ADARB1: variants seen among roughly 807,000 people sequenced by gnomAD.
ADARB1 encodes adenosine deaminase RNA specific B1.
ADARB1 carries 10 observed loss-of-function variants against 52.4 expected under a neutral mutation model. The observed-to-expected ratio is 0.19, with a 90% CI of 0.12 to 0.32. The LOEUF (loss-of-function observed/expected upper bound fraction) is 0.32, where lower values mean the gene tolerates loss of function less well. ADARB1 is among the 10% of genes least tolerant of loss of function. The pLI is 1.00. For synonymous variants in ADARB1, 349 were observed against 371.1 expected (o/e 0.94, Z 0.68); for missense variants, 643 against 922.3 (o/e 0.70, Z 3.92).
rs775926647 is a variant in ADARB1 at position 45,204,734 on chromosome 21, G to C, written c.1745G>C (p.Ser582Thr). 7 of 1,613,652 alleles carry C rather than the reference G, an allele frequency of 4.3e-6. No individual in the cohort carries two copies. Among genetic ancestry groups the C allele is most frequent in the Non-Finnish European group, 5.9e-6 (7 of 1,179,828 alleles). ...TACACCCTCAACAAGCCTTTGCTCA[G>C]TGGCAAGTATCTCTAGAGTGTGCTG... ...PLYTLNKPLL[S>T]GISNAEARQP... is the part of the protein sequence containing the mutation. Residue 582 changes from serine (S) to threonine (T), a missense_variant and splice_region_variant, in exon 9 of 11, where the codon AGT (serine) becomes ACT (threonine). Coordinates refer to ENST00000348831, the MANE Select transcript of ADARB1 (RefSeq NM_001112.4). This position sits in a 1 kb window ranked among gnomAD's most constrained non-coding sequence, Gnocchi z 4.4.
At position 45,157,224 on chromosome 21, in the gene ADARB1, G is replaced by A. The variant is rs1471372139; in HGVS notation, c.-47-14386G>A. On this transcript the variant is annotated intron_variant, in intron 2 of 10. Coordinates refer to ENST00000348831, the MANE Select transcript of ADARB1 (RefSeq NM_001112.4). The surrounding 1 kb of genome is among the most constrained non-coding windows in gnomAD (Gnocchi z 4.1). ...GTTAACAGTTGAAATTCTAAAGTAA[G>A]CATGTAGAAGTAGATTTGTGAAATT... is the stretch of plus-strand genomic sequence containing the variant. 1.3e-5 allele frequency among the ~76,000 whole-genome samples: 2 copies of A among 152,232 alleles called. No individual in the cohort carries two copies. Among genetic ancestry groups the A allele is most frequent in the Non-Finnish European group, 2.9e-5 (2 of 68,048 alleles).
At chr21:45,164,362 G>A (rs2091145975) in intron 2 of ADARB1, among the ~76,000 whole-genome samples, 1 of 152,148 alleles carries the variant, frequency 6.6e-6, no homozygotes, top group Non-Finnish European at 1.5e-5. Flanking sequence ...GAAAAGGCGG[G>A]GGTGGAGGAA....
In ADARB1 at chr21:45,223,748, C is replaced by T. The variant is rs1374925201; in HGVS notation, c.*1551C>T. 1.0e-6 allele frequency: 1 copy of T among 985,382 alleles called. No homozygotes were observed. The highest frequency in any genetic ancestry group is 1.7e-5 in the African/African-American group (1 of 57,240). The allele number at this position is 985,382 out of a possible 1,614,324, so 61.0% of individuals were successfully genotyped here. A position where few individuals can be genotyped will look rare whatever the true frequency, so the allele number is the denominator to read the frequency against. On this transcript the variant is annotated 3_prime_UTR_variant, in exon 11 of 11. Transcript: ENST00000348831. ...CCACCGGACGCTGGGAGCTCAGACC[C>T]CAAAACTGAAACACCGTGGCTTCGG...
intron 9 of ADARB1, among the ~76,000 whole-genome samples, chr21:45,209,464 A>C (rs970523219): frequency 6.6e-6 from 1 of 152,078 alleles, no homozygotes; most frequent in African/African-American, 2.4e-5. Context: ...TTTTGGAGAA[A>C]AGTCCTGTGT....
chr21:45,198,355 C>T (rs1264677538), intron 8 of ADARB1, among the ~76,000 whole-genome samples: 1 of 152,114 alleles, frequency 6.6e-6, no homozygotes, highest in Admixed American at 6.5e-5. Context: ...GAGATTGCTA[C>T]AGTGGAGAGT....
chr21:45,202,925 C>T (rs1036520584), intron 8 of ADARB1, among the ~76,000 whole-genome samples: 71 of 150,728 alleles, frequency 4.7e-4, no homozygotes, highest in Non-Finnish European at 8.7e-4. Flanking sequence ...AGCGTCTAAC[C>T]CTGCAGCGCG....
chr21:45,113,551 G>A (rs1446430964), intron 1 of ADARB1, among the ~76,000 whole-genome samples: 1 of 150,852 alleles, frequency 6.6e-6, no homozygotes, highest in African/African-American at 2.4e-5. Context: ...TGACATGTGA[G>A]TTTTTCAGTT....
chr21:45,220,767 GCCCGTGGCTGCT>G lies in ADARB1; in HGVS notation c.1748-65_1748-54del. 4 of 1,550,642 alleles carry G rather than the reference GCCCGTGGCTGCT, an allele frequency of 2.6e-6. No individual in the cohort carries two copies. The Admixed American group carries it at 6.8e-5, about 26-fold the overall frequency. The stretch of plus-strand genomic sequence containing the variant: ...TGGCCATGTCTGAGCACAGTGTGCC[GCCCGTGGCTGCT>G]CCCTCCCTGGGGGTGAAAGCGGGCT... On this transcript the variant is annotated intron_variant, in intron 9 of 10. Transcript: ENST00000348831. This position sits in a 1 kb window ranked among gnomAD's most constrained non-coding sequence, Gnocchi z 6.3.
Position 45,180,318 on chromosome 21 carries a change from C to CT in ADARB1, c.964-10dup. ...ATCTGGCCCCTAACCTGCATCTGTG[C>CT]TTCCCACACAGGTTTTAGCTGACGC... On this transcript the variant is annotated splice_polypyrimidine_tract_variant and intron_variant, in intron 4 of 10. Transcript: ENST00000348831. 1 of 1,603,794 alleles carries CT rather than the reference C, an allele frequency of 6.2e-7. No homozygotes were observed. Among genetic ancestry groups the CT allele is most frequent in the Non-Finnish European group, 8.5e-7 (1 of 1,171,156 alleles).
chr21:45,125,399 G>A (rs746085687), intron 1 of ADARB1, among the ~76,000 whole-genome samples: 80 of 152,208 alleles, frequency 5.3e-4, no homozygotes, highest in Non-Finnish European at 8.4e-4. Flanking sequence ...GAGGTGGCTG[G>A]CTCCCGCCTG....
intron 1 of ADARB1, among the ~76,000 whole-genome samples, chr21:45,111,418 T>C (rs2087527891): frequency 1.3e-5 from 2 of 152,176 alleles, no homozygotes; most frequent in African/African-American, 2.4e-5. Context: ...TCAACATCCG[T>C]ATCCGGAGCC....
chr21:45,206,880 A>C (rs2092678429), intron 9 of ADARB1, among the ~76,000 whole-genome samples: 1 of 152,030 alleles, frequency 6.6e-6, no homozygotes, highest in South Asian at 2.1e-4. Context: ...GGCCTCCGTT[A>C]TCTCTAATCT....
chr21:45,086,679 G>T (rs558269813), intron 1 of ADARB1, among the ~76,000 whole-genome samples: 1 of 152,202 alleles, frequency 6.6e-6, no homozygotes, highest in Non-Finnish European at 1.5e-5. Flanking sequence ...CCTTTTAGTC[G>T]TATTGGCGTA....
intron 1 of ADARB1, among the ~76,000 whole-genome samples, chr21:45,115,693 C>T (rs1222832576): frequency 4.6e-5 from 7 of 152,168 alleles, no homozygotes; most frequent in Admixed American, 2.6e-4. Context: ...AAATTTGTGT[C>T]CATTAAACCC....
chr21:45,162,121 G>C (rs2091004178), intron 2 of ADARB1, among the ~76,000 whole-genome samples: 1 of 152,190 alleles, frequency 6.6e-6, no homozygotes, highest in South Asian at 2.1e-4. Context: ...GAGGAGAGAA[G>C]GAGAGAAGAG....
intron 1 of ADARB1, among the ~76,000 whole-genome samples, chr21:45,085,758 A>G (rs975804284): frequency 1.3e-5 from 2 of 152,184 alleles, no homozygotes; most frequent in East Asian, 1.9e-4. Flanking sequence ...GAAGCTTTCA[A>G]TTCTTTAATT....
At chr21:45,096,778 CAG>C (rs1222866016) in intron 1 of ADARB1, among the ~76,000 whole-genome samples, 1 of 152,196 alleles carries the variant, frequency 6.6e-6, no homozygotes, top group Non-Finnish European at 1.5e-5. Context: ...TTTTTTGAGA[CAG>C]AGTCTGTCTC....
Position 45,166,555 on chromosome 21 carries a change from C to T in ADARB1, c.-47-5055C>T, listed in dbSNP as rs149295414. Among the ~76,000 whole-genome samples, 4 of 152,322 alleles carry T rather than the reference C, an allele frequency of 2.6e-5. No homozygotes were observed. In the East Asian group the frequency reaches 5.8e-4, roughly 22 times the overall value. Reference sequence around the variant, plus strand: ...TTCCATCACATTGACCCTCTTTGTCCGTGAGCCACGCTGTGTTGCGTTAGG... The same window carrying T: ...TTCCATCACATTGACCCTCTTTGTCTGTGAGCCACGCTGTGTTGCGTTAGG... On this transcript the variant is annotated intron_variant, in intron 2 of 10. Coordinates refer to ENST00000348831, the MANE Select transcript of ADARB1 (RefSeq NM_001112.4).
rs1035640277 is a variant in ADARB1 at position 45,157,155 on chromosome 21, C to T, written c.-47-14455C>T. Among the ~76,000 whole-genome samples, 1 of 152,188 alleles carries T rather than the reference C, an allele frequency of 6.6e-6. No homozygotes were observed. The highest frequency in any genetic ancestry group is 1.5e-5 in the Non-Finnish European group (1 of 68,046). On this transcript the variant is annotated intron_variant, in intron 2 of 10. Coordinates refer to ENST00000348831, the MANE Select transcript of ADARB1 (RefSeq NM_001112.4). This position sits in a 1 kb window ranked among gnomAD's most constrained non-coding sequence, Gnocchi z 4.1. ...CTCTGCTGCCTGGGCAGGAGCTCCT[C>T]TCAGCTACAGGGTGCATTTCAAGCA...
Sources: allele counts gnomAD v4.1 joint callset (sites outside exome capture counted in the v4.1 genomes callset), GRCh38; gene constraint gnomAD v4.1.1; non-coding constraint Gnocchi (gnomAD v3.1); transcripts MANE v1.5; gene names NCBI Gene and HGNC (gene_info 2026-07-23, HGNC 2026-07-21).